LRRFIP1: variants seen among roughly 807,000 people sequenced by gnomAD.
LRRFIP1 encodes leucine-rich repeat flightless-interacting protein 1.
LRRFIP1 carries 62 observed loss-of-function variants against 104.4 expected under a neutral mutation model. The observed-to-expected ratio is 0.59, with a 90% CI of 0.48 to 0.73. LRRFIP1 has a LOEUF of 0.73. Among genes scored for constraint, LRRFIP1 ranks in the 30% least tolerant of loss-of-function variants. The pLI is 0.00. For synonymous variants in LRRFIP1, 300 were observed against 299.0 expected, an observed-to-expected ratio of 1.00 and a Z score of -0.03; for missense variants, 796 against 824.5, an observed-to-expected ratio of 0.97 and a Z score of 0.42.
At chr2:237,754,994 C>T (rs753658726) in intron 15 of LRRFIP1, among the ~76,000 whole-genome samples, 1 of 152,196 alleles carries the variant, frequency 6.6e-6, no homozygotes, top group South Asian at 2.1e-4. Flanking sequence ...ACCAGCCACC[C>T]CCAAGCTAAA....
chr2:237,774,287 CAAAGT>C (rs1030176523), intron 22 of LRRFIP1, 66 bp from the exon 23 acceptor site: 111 of 882,372 alleles, frequency 1.3e-4, no homozygotes, highest in Middle Eastern at 3.0e-4. Context: ...TCTTTGATCT[CAAAGT>C]AAAGAAACTG....
At position 237,682,317 on chromosome 2, in the gene LRRFIP1, G is replaced by T. The variant is rs2091929810; in HGVS notation, c.97-26227G>T. Among the ~76,000 whole-genome samples, 3 of 152,216 alleles carry T rather than the reference G, an allele frequency of 2.0e-5. No individual in the cohort carries two copies. In the East Asian group the frequency reaches 5.8e-4, roughly 29 times the overall value. ...AGGCTCAGGTCCCCTGTTACTTGCA[G>T]TCCTCCGGGCAGTCCTGTCTGCTGG... On this transcript the variant is annotated intron_variant, in intron 1 of 23. Transcript: ENST00000308482.
chr2:237,730,111 G>A (rs763579157), intron 8 of LRRFIP1, among the ~76,000 whole-genome samples: 3 of 152,090 alleles, frequency 2.0e-5, no homozygotes, highest in Non-Finnish European at 4.4e-5. Context: ...GTGTTTTTGT[G>A]TATATTTTCT....
intron 11 of LRRFIP1, among the ~76,000 whole-genome samples, chr2:237,743,221 G>C (rs2057357655): frequency 6.6e-6 from 1 of 151,984 alleles, no homozygotes; most frequent in African/African-American, 2.4e-5. Flanking sequence ...AGCCCTGCAG[G>C]CTCTGTAGGG....
chr2:237,688,962 C>T (rs148363867), intron 1 of LRRFIP1, among the ~76,000 whole-genome samples: 1 of 149,422 alleles, frequency 6.7e-6, no homozygotes, highest in East Asian at 1.9e-4. Flanking sequence ...ACACCCACAC[C>T]CTGACTTCTG....
chr2:237,769,957 A>G lies in LRRFIP1; in HGVS notation c.1474A>G (p.Lys492Glu). 2.5e-6 allele frequency: 4 copies of G among 1,604,780 alleles called. No individual in the cohort carries two copies. The highest frequency in any genetic ancestry group is 3.4e-6 in the Non-Finnish European group (4 of 1,175,002). The change falls in exon 20 of 24, where the codon AAG becomes GAG. Residue 492 changes from lysine to glutamate, a missense_variant. Coordinates refer to ENST00000308482, the MANE Select transcript of LRRFIP1 (RefSeq NM_001137550.2). ...GDGTLDIRLK[K>E]LVDERECLLE... Reference sequence around the variant, plus strand: ...GATTTCTTTAGATATTAGGTTGAAAAAGCTGGTTGATGAACGGGAATGCTT... The same window carrying G: ...GATTTCTTTAGATATTAGGTTGAAAGAGCTGGTTGATGAACGGGAATGCTT...
intron 12 of LRRFIP1, among the ~76,000 whole-genome samples, 183 bp from the exon 13 acceptor site, chr2:237,749,016 T>A (rs146468584): frequency 5.9e-5 from 9 of 152,206 alleles, no homozygotes; most frequent in South Asian, 2.1e-4. Context: ...AGCCATCAGA[T>A]CTCCTGGGAG....
chr2:237,722,808 C>T (rs958323591), intron 6 of LRRFIP1, among the ~76,000 whole-genome samples: 7 of 152,204 alleles, frequency 4.6e-5, no homozygotes, highest in African/African-American at 1.7e-4. Flanking sequence ...AGGCCAGTGC[C>T]TGCTGCTCAG....
At chr2:237,669,510 C>A (rs936226260) in intron 1 of LRRFIP1, among the ~76,000 whole-genome samples, 1 of 152,134 alleles carries the variant, frequency 6.6e-6, no homozygotes, top group East Asian at 1.9e-4. Flanking sequence ...GCTTATTAAC[C>A]TTTTTCATAG....
At chr2:237,692,643 G>C in intron 1 of LRRFIP1, 1 of 1,274,452 alleles carries the variant, frequency 7.8e-7, no homozygotes, top group African/African-American at 1.6e-5. Context: ...GGGCTCTGGC[G>C]GGACCCCAGC....
At chr2:237,695,702 A>G (rs1176334247) in intron 1 of LRRFIP1, among the ~76,000 whole-genome samples, 1 of 152,166 alleles carries the variant, frequency 6.6e-6, no homozygotes, top group Non-Finnish European at 1.5e-5. Flanking sequence ...GGACAGGAGA[A>G]GAGGATTTTT....
intron 1 of LRRFIP1, among the ~76,000 whole-genome samples, chr2:237,666,607 A>G (rs995729990): frequency 1.3e-5 from 2 of 152,116 alleles, no homozygotes; most frequent in African/African-American, 2.4e-5. Flanking sequence ...AGGCCCTGAG[A>G]GGTCTCGGTG....
intron 1 of LRRFIP1, among the ~76,000 whole-genome samples, chr2:237,683,115 C>T (rs551860109): frequency 2.0e-5 from 3 of 152,236 alleles, no homozygotes; most frequent in South Asian, 4.1e-4. Flanking sequence ...CAACCCCAAA[C>T]GTCAGGGGAC....
chr2:237,674,207 G>C (rs1309829234), intron 1 of LRRFIP1, among the ~76,000 whole-genome samples: 3 of 152,182 alleles, frequency 2.0e-5, no homozygotes, highest in Non-Finnish European at 2.9e-5. Context: ...GTCAGGATTG[G>C]AAATATGAAC....
intron 1 of LRRFIP1, among the ~76,000 whole-genome samples, chr2:237,663,244 AT>A (rs2088413838): frequency 6.6e-6 from 1 of 152,244 alleles, no homozygotes; most frequent in South Asian, 2.1e-4. Context: ...GATTGTGAGC[AT>A]TCTGTGAGAT....
chr2:237,641,616 T>C (rs2083993401), intron 1 of LRRFIP1, among the ~76,000 whole-genome samples: 2 of 152,188 alleles, frequency 1.3e-5, no homozygotes, highest in Admixed American at 1.3e-4. Context: ...TTCCTAAATA[T>C]CTTTTCCAAT....
At chr2:237,690,462 C>T (rs961407740) in intron 1 of LRRFIP1, among the ~76,000 whole-genome samples, 2 of 152,128 alleles carry the variant, frequency 1.3e-5, no homozygotes, top group Non-Finnish European at 2.9e-5. Flanking sequence ...ATAGGCCAGG[C>T]GCGGTGGCTC....
At chr2:237,727,619 A>T (rs2094811951) in intron 7 of LRRFIP1, among the ~76,000 whole-genome samples, 1 of 152,226 alleles carries the variant, frequency 6.6e-6, no homozygotes, top group Non-Finnish European at 1.5e-5. Context: ...GTGCCACTTT[A>T]AAACTAAGAG....
chr2:237,685,222 G>A (rs2092276483), intron 1 of LRRFIP1, among the ~76,000 whole-genome samples: 1 of 152,044 alleles, frequency 6.6e-6, no homozygotes, highest in Non-Finnish European at 1.5e-5. Context: ...GGTTACTGTG[G>A]TCACTCTGGT....
Sources: allele counts gnomAD v4.1 joint callset (sites outside exome capture counted in the v4.1 genomes callset), GRCh38; gene constraint gnomAD v4.1.1; transcripts MANE v1.5; gene names NCBI Gene and HGNC (gene_info 2026-07-23, HGNC 2026-07-21).